Variants in TNRC6C observed in about 807,000 individuals in gnomAD.
TNRC6C encodes trinucleotide repeat-containing gene 6C protein.
In TNRC6C, 20 loss-of-function variants were observed where a neutral mutation model predicts 153.7. The observed-to-expected ratio is 0.13, with a 90% CI of 0.09 to 0.19. The LOEUF (loss-of-function observed/expected upper bound fraction) is 0.19, where lower values mean the gene tolerates loss of function less well. TNRC6C is among the 10% of genes least tolerant of loss of function. The probability of loss-of-function intolerance (pLI) is 1.00; values close to 1 mark genes in which losing one functional copy is unlikely to be tolerated. For synonymous variants in TNRC6C, 811 were observed against 841.4 expected, an observed-to-expected ratio of 0.96 and a Z score of 0.63; for missense variants, 1,987 against 2,172.0, an observed-to-expected ratio of 0.91 and a Z score of 1.69.
intron 3 of TNRC6C, among the ~76,000 whole-genome samples, chr17:78,052,356 C>T (rs1395086917): frequency 6.6e-6 from 1 of 152,194 alleles, no homozygotes; most frequent in Admixed American, 6.5e-5. Flanking sequence ...CAGAGATCAC[C>T]ATACACAGTG....
intron 17 of TNRC6C, among the ~76,000 whole-genome samples, chr17:78,101,754 G>A (rs745831401): frequency 5.9e-5 from 9 of 152,262 alleles, no homozygotes; most frequent in Non-Finnish European, 1.0e-4. Flanking sequence ...TATCCTTAAG[G>A]CACAGATCGC....
intron 1 of TNRC6C, among the ~76,000 whole-genome samples, chr17:78,023,846 A>G (rs1162623333): frequency 6.6e-6 from 1 of 152,220 alleles, no homozygotes; most frequent in East Asian, 1.9e-4. Context: ...ACTGTGGCTC[A>G]TGCCTGTAAT....
chr17:78,086,632 C>G (rs2073295925), intron 12 of TNRC6C, 46 bp downstream of exon 14: 3 of 1,577,400 alleles, frequency 1.9e-6, no homozygotes, highest in Non-Finnish European at 2.6e-6. Flanking sequence ...ATAATTTTCC[C>G]TGATAGAAGA....
chr17:78,069,601 A>G (rs2072951566), intron 5 of TNRC6C, among the ~76,000 whole-genome samples: 1 of 152,102 alleles, frequency 6.6e-6, no homozygotes, highest in Admixed American at 6.5e-5. Flanking sequence ...TGTGGCATTT[A>G]TACAGTTTTG....
rs752361916 is a variant in TNRC6C at position 78,104,464 on chromosome 17, T to C, written c.4713-21T>C. The C allele has an allele frequency of 4.1e-6, 6 of 1,474,452 alleles. No individual in the cohort carries two copies. Among genetic ancestry groups the C allele is most frequent in the Non-Finnish European group, 5.4e-6 (6 of 1,109,530 alleles). The allele number at this position is 1,474,452 out of a possible 1,614,324, so 91.3% of individuals were successfully genotyped here. ...AGGACTTGGGGTGGCCCTGTTCACG[T>C]GCCCCATCTTGCTGTTGCAGGTGCG... On this transcript the variant is annotated intron_variant, in intron 19 of 19. Transcript: ENST00000301624. The surrounding 1 kb of genome is among the most constrained non-coding windows in gnomAD (Gnocchi z 6.2).
chr17:78,008,461 AC>A lies in TNRC6C; in HGVS notation c.-546+3383del, dbSNP rs1190951446. The A allele has an allele frequency of 2.0e-5, 3 of 152,198 alleles. No homozygotes were observed. In the South Asian group the frequency reaches 6.2e-4, roughly 32 times the overall value. 9.4% of individuals were successfully genotyped at this position (152,198 alleles called of 1,614,324 possible). On this transcript the variant is annotated intron_variant, in intron 1 of 19. Coordinates refer to ENST00000301624, the Ensembl canonical transcript of TNRC6C. ...CTACCCTGATGTGATCATGGGAACC[AC>A]GTTTTCTCTGCAGCCAGGAGATACA...
chr17:77,975,768 G>C (rs1567896208), intron 1 of TNRC6C, among the ~76,000 whole-genome samples: 1 of 152,116 alleles, frequency 6.6e-6, no homozygotes, highest in Non-Finnish European at 1.5e-5. Context: ...AAAGTACCAT[G>C]ATATACTTTT....
intron 3 of TNRC6C, among the ~76,000 whole-genome samples, chr17:78,062,503 C>T (rs1249893567): frequency 6.6e-6 from 1 of 152,234 alleles, no homozygotes; most frequent in Non-Finnish European, 1.5e-5. Flanking sequence ...CTCTTGCACA[C>T]AGTCACATGC....
At chr17:78,051,228 G>C in exon 3 of TNRC6C, 1 of 1,562,086 alleles carries the variant, frequency 6.4e-7, no homozygotes, top group Non-Finnish European at 8.7e-7. Context: ...GCCGCAAAAT[G>C]GAAATTGATG....
chr17:78,031,715 A>G, exon 2 of TNRC6C: 1 of 1,232,302 alleles, frequency 8.1e-7, no homozygotes, highest in Non-Finnish European at 1.0e-6. Flanking sequence ...TATTAAAGAG[A>G]GGCCAGCCAT....
chr17:78,023,181 A>T (rs2071869319), intron 1 of TNRC6C, among the ~76,000 whole-genome samples: 1 of 152,202 alleles, frequency 6.6e-6, no homozygotes, highest in South Asian at 2.1e-4. Context: ...TGCGTAGGTT[A>T]TACGCAAATA....
intron 15 of TNRC6C, 34 bp downstream of exon 17, chr17:78,093,158 C>T (rs778083875): frequency 2.9e-5 from 46 of 1,601,840 alleles, no homozygotes; most frequent in Admixed American, 1.8e-4. Context: ...GCAACAGCAG[C>T]AGGTCAGAAT....
chr17:78,064,808 G>A (rs762520627), exon 4 of TNRC6C: 1 of 1,613,778 alleles, frequency 6.2e-7, no homozygotes, highest in Non-Finnish European at 8.5e-7. Context: ...TACCCTGGTG[G>A]ATAATGGCAC....
At position 78,075,319 on chromosome 17, in the gene TNRC6C, A is replaced by G. The variant is rs758102907; in HGVS notation, c.3060+41A>G. 1.9e-6 allele frequency: 3 copies of G among 1,543,832 alleles called. No individual in the cohort carries two copies. The highest frequency in any genetic ancestry group is 2.6e-6 in the Non-Finnish European group (3 of 1,140,130). On this transcript the variant is annotated intron_variant, in intron 8 of 19. Transcript: ENST00000301624. The surrounding 1 kb of genome is among the most constrained non-coding windows in gnomAD (Gnocchi z 4.2). ...GTTTGTTGTTTTTGCTTTTTTAACA[A>G]GAGGAGTTTTTCATTTCAACTGTGT...
chr17:78,014,092 A>T (rs1295571225), intron 1 of TNRC6C, among the ~76,000 whole-genome samples: 1 of 152,162 alleles, frequency 6.6e-6, no homozygotes, highest in Non-Finnish European at 1.5e-5. Flanking sequence ...AATACCTAAG[A>T]TTACTGCTAT....
Position 78,093,389 on chromosome 17 carries a change from A to G in TNRC6C, c.4163-231A>G, listed in dbSNP as rs1292736258. On this transcript the variant is annotated intron_variant, in intron 15 of 19. Coordinates refer to ENST00000301624, the Ensembl canonical transcript of TNRC6C. ...GAAGCACACTGCACACTATCCGGTA[A>G]AACTATTCCAACCCTGTGTGAAAAC... 8.9e-6 allele frequency: 6 copies of G among 671,068 alleles called. No individual in the cohort carries two copies. In the East Asian group the frequency reaches 1.6e-4, roughly 18 times the overall value. 41.6% of individuals were successfully genotyped at this position (671,068 alleles called of 1,614,324 possible).
chr17:78,023,413 GCTC>G (rs918377939), intron 1 of TNRC6C, among the ~76,000 whole-genome samples: 171 of 151,892 alleles, frequency 1.1e-3, no homozygotes, highest in African/African-American at 4.1e-3. Context: ...TCCTTCTCCT[GCTC>G]CTCCTCCTCC....
At chr17:78,077,645 G>A in intron 9 of TNRC6C, 1 of 383,016 alleles carries the variant, frequency 2.6e-6, no homozygotes. Flanking sequence ...GCTGCCGGAT[G>A]CATCCAGAGG....
chr17:77,958,933 C>T (rs2070835861), upstream of TNRC6C, among the ~76,000 whole-genome samples: 1 of 146,000 alleles, frequency 6.8e-6, no homozygotes, highest in Non-Finnish European at 1.5e-5. Context: ...CCGCGCCCAG[C>T]CGTCCGCAGC....
Sources: allele counts gnomAD v4.1 joint callset (sites outside exome capture counted in the v4.1 genomes callset), GRCh38; gene constraint gnomAD v4.1.1; non-coding constraint Gnocchi (gnomAD v3.1); transcripts MANE v1.5; gene names NCBI Gene and HGNC (gene_info 2026-07-23, HGNC 2026-07-21).